The following SH3PXD2A variants were observed in gnomAD, a reference collection of about 807,000 sequenced individuals.
SH3PXD2A encodes SH3 and PX domains 2A.
SH3PXD2A carries 32 observed loss-of-function variants against 115.2 expected under a neutral mutation model. The ratio of observed to expected loss-of-function variants is 0.28; its 90% CI spans 0.21 to 0.37. The LOEUF is 0.37. Ranked by LOEUF, SH3PXD2A falls within the 10% of genes least tolerant of loss-of-function variation. The pLI is 1.00. For synonymous variants in SH3PXD2A, 610 were observed against 629.1 expected (o/e 0.97, Z 0.45); for missense variants, 1,328 against 1,498.7 (o/e 0.89, Z 1.88).
chr10:103,754,611 G>A (rs946674984), intron 3 of SH3PXD2A: 1 of 152,154 alleles, frequency 6.6e-6, no homozygotes, highest in African/African-American at 2.4e-5. Flanking sequence ...AGGGGAGAGA[G>A]AATGTTCTGA....
intron 6 of SH3PXD2A, among the ~76,000 whole-genome samples, chr10:103,674,576 C>A (rs1217400773): frequency 1.3e-5 from 2 of 152,194 alleles, no homozygotes; most frequent in Non-Finnish European, 2.9e-5. Context: ...AATCCTAGTG[C>A]TTTGGGAGGC....
chr10:103,602,868 G>A lies in SH3PXD2A; in HGVS notation c.2350C>T (p.Pro784Ser), dbSNP rs144157162. 4.6e-4 allele frequency: 741 copies of A among 1,614,030 alleles called. No homozygotes were observed. The highest frequency in any genetic ancestry group is 5.7e-4 in the Non-Finnish European group (667 of 1,179,912). The change falls in exon 15 of 15, where the codon CCC becomes TCC. Residue 784 changes from proline (P) to serine (S), a missense_variant. Transcript: ENST00000369774. ...DISTLRRQLRPTGQLRGGLKG... is the reference protein window; with the variant it reads ...DISTLRRQLRSTGQLRGGLKG... ...AGCCCTCCACGGAGCTGGCCTGTGG[G>A]TCTCAGCTGGCGCCGTAAAGTGCTG...
At chr10:103,804,772 A>G (rs1261404467) in intron 1 of SH3PXD2A, among the ~76,000 whole-genome samples, 1 of 152,164 alleles carries the variant, frequency 6.6e-6, no homozygotes, top group Non-Finnish European at 1.5e-5. Flanking sequence ...GGGCCCAGAC[A>G]GAAGCAAATG....
At chr10:103,692,480 TCA>T (rs906343574) in intron 6 of SH3PXD2A, among the ~76,000 whole-genome samples, 2 of 152,254 alleles carry the variant, frequency 1.3e-5, no homozygotes, top group South Asian at 2.1e-4. Flanking sequence ...AAGGACACGC[TCA>T]GAGTTGGGGC....
intron 6 of SH3PXD2A, among the ~76,000 whole-genome samples, chr10:103,689,786 G>C (rs1162540518): frequency 6.6e-6 from 1 of 152,194 alleles, no homozygotes; most frequent in African/African-American, 2.4e-5. Flanking sequence ...AGGGAAGAAA[G>C]ATGCAGATAA....
chr10:103,812,282 A>G (rs1177658689), intron 1 of SH3PXD2A, among the ~76,000 whole-genome samples: 1 of 152,254 alleles, frequency 6.6e-6, no homozygotes, highest in Non-Finnish European at 1.5e-5. Context: ...CATCTTGGGT[A>G]ATGCCCAGGA....
Position 103,601,613 on chromosome 10 carries a change from T to C in SH3PXD2A, c.*203A>G, listed in dbSNP as rs949064179. On this transcript the variant is annotated 3_prime_UTR_variant, in exon 15 of 15. Coordinates refer to ENST00000369774, the MANE Select transcript of SH3PXD2A (RefSeq NM_001394015.1). ...CTGGTCCATTCCCTTCCTCACTCAG[T>C]GTGGGCACCCCCATCCCCTACCTTC... 4 of 534,968 alleles carry C rather than the reference T, an allele frequency of 7.5e-6. No homozygotes were observed. The highest frequency in any genetic ancestry group is 1.3e-5 in the Non-Finnish European group (4 of 299,638). The allele number at this position is 534,968 out of a possible 1,614,324, so 33.1% of individuals were successfully genotyped here. A position where few individuals can be genotyped will look rare whatever the true frequency, so the allele number is the denominator to read the frequency against.
At chr10:103,634,970 G>T (rs2036842830) in intron 8 of SH3PXD2A, among the ~76,000 whole-genome samples, 1 of 152,184 alleles carries the variant, frequency 6.6e-6, no homozygotes. Context: ...CATGGCGGTG[G>T]TCGTTAATCA....
In SH3PXD2A at chr10:103,626,216, G is replaced by A. The variant is rs568251343; in HGVS notation, c.718+873C>T. Among the ~76,000 whole-genome samples the A allele has an allele frequency of 3.9e-5, 6 of 152,396 alleles. No homozygotes were observed. The East Asian group carries it at 7.7e-4, about 20-fold the overall frequency. On this transcript the variant is annotated intron_variant, in intron 9 of 14. Coordinates refer to ENST00000369774, the MANE Select transcript of SH3PXD2A (RefSeq NM_001394015.1). ...AGCCCCAGCTGCCCGCCGAGTAACC[G>A]ACATTTAGGGGAAGAATGAATAAGG...
At chr10:103,754,300 G>A (rs978364789) in intron 3 of SH3PXD2A, 30 of 152,126 alleles carry the variant, frequency 2.0e-4, no homozygotes, top group African/African-American at 7.2e-4. Context: ...CCAAACTCCT[G>A]GGCTCAAGTG....
intron 7 of SH3PXD2A, among the ~76,000 whole-genome samples, chr10:103,667,076 C>T (rs2037392652): frequency 6.6e-6 from 1 of 152,198 alleles, no homozygotes; most frequent in Non-Finnish European, 1.5e-5. Context: ...CAGCCCTTAC[C>T]TCTGAGTTTC....
At chr10:103,747,606 C>G (rs981721024) in intron 3 of SH3PXD2A, among the ~76,000 whole-genome samples, 1 of 152,056 alleles carries the variant, frequency 6.6e-6, no homozygotes, top group Non-Finnish European at 1.5e-5. Context: ...GTGGGGCAGG[C>G]AGATGGAAGT....
chr10:103,721,169 C>G (rs1405423659), intron 5 of SH3PXD2A, among the ~76,000 whole-genome samples: 2 of 152,262 alleles, frequency 1.3e-5, no homozygotes, highest in African/African-American at 4.8e-5. Flanking sequence ...TGTTCCCCAG[C>G]CTTCCATGAA....
chr10:103,734,904 G>A (rs1166455838), intron 4 of SH3PXD2A, among the ~76,000 whole-genome samples: 2 of 152,206 alleles, frequency 1.3e-5, no homozygotes, highest in Non-Finnish European at 2.9e-5. Flanking sequence ...GCCTTACAAT[G>A]TGCCAGCTCA....
At chr10:103,806,180 T>C (rs1014607418) in intron 1 of SH3PXD2A, among the ~76,000 whole-genome samples, 9 of 152,090 alleles carry the variant, frequency 5.9e-5, no homozygotes, top group Non-Finnish European at 8.8e-5. Flanking sequence ...TCTCCCAAAC[T>C]TCGGGGATTT....
intron 8 of SH3PXD2A, among the ~76,000 whole-genome samples, chr10:103,640,624 G>T (rs2036941225): frequency 6.6e-6 from 1 of 152,172 alleles, no homozygotes; most frequent in Non-Finnish European, 1.5e-5. Context: ...AACACCCAAG[G>T]ACACAAAATG....
At chr10:103,766,670 C>A (rs915808737) in intron 3 of SH3PXD2A, among the ~76,000 whole-genome samples, 1 of 152,202 alleles carries the variant, frequency 6.6e-6, no homozygotes, top group African/African-American at 2.4e-5. Context: ...GCCTCCTCTT[C>A]CATATAAGGT....
At chr10:103,836,307 C>A (rs1414395741) in intron 1 of SH3PXD2A, among the ~76,000 whole-genome samples, 1 of 152,064 alleles carries the variant, frequency 6.6e-6, no homozygotes, top group Admixed American at 6.6e-5. Flanking sequence ...TTTTATTACA[C>A]ACACACACAT....
chr10:103,735,707 C>T, intron 4 of SH3PXD2A, 25 bp downstream of exon 4: 3 of 1,425,006 alleles, frequency 2.1e-6, no homozygotes, highest in Non-Finnish European at 3.0e-6. Flanking sequence ...CCGAGCCCCT[C>T]CCCCAGCCCC....
Sources: allele counts gnomAD v4.1 joint callset (sites outside exome capture counted in the v4.1 genomes callset), GRCh38; gene constraint gnomAD v4.1.1; transcripts MANE v1.5; gene names NCBI Gene and HGNC (gene_info 2026-07-23, HGNC 2026-07-21).